FBXO16: variants seen among roughly 807,000 people sequenced by gnomAD.
The protein encoded by FBXO16 is F-box only protein 16.
FBXO16 carries 31 observed loss-of-function variants against 41.0 expected under a neutral mutation model. The ratio of observed to expected loss-of-function variants is 0.76; its 90% CI spans 0.57 to 1.02. The LOEUF (loss-of-function observed/expected upper bound fraction) is 1.02, where lower values mean the gene tolerates loss of function less well. FBXO16 is among the 50% of genes least tolerant of loss of function. The pLI is 0.00. For missense variants in FBXO16, 361 were observed against 346.2 expected (o/e 1.04, Z -0.34); for synonymous variants, 133 against 117.8 (o/e 1.13, Z -0.84).
chr8:28,486,957 C>T (rs1030649866), intron 1 of FBXO16, among the ~76,000 whole-genome samples: 1 of 152,032 alleles, frequency 6.6e-6, no homozygotes, highest in African/African-American at 2.4e-5. Flanking sequence ...AATGCACATA[C>T]ACGCAAAATT....
chr8:28,479,271 T>C (rs1274755337), intron 2 of FBXO16, among the ~76,000 whole-genome samples: 1 of 152,160 alleles, frequency 6.6e-6, no homozygotes, highest in East Asian at 1.9e-4. Context: ...AACTTCTTCC[T>C]TTGCCCTGCA....
At chr8:28,448,282 A>G (rs985024477) in intron 6 of FBXO16, among the ~76,000 whole-genome samples, 2 of 148,196 alleles carry the variant, frequency 1.3e-5, no homozygotes, top group African/African-American at 5.0e-5. Flanking sequence ...TCCAAGCTGC[A>G]GTGAGCCATG....
At chr8:28,444,882 CG>C (rs751067178) in intron 7 of FBXO16, among the ~76,000 whole-genome samples, 1 of 149,678 alleles carries the variant, frequency 6.7e-6, no homozygotes, top group Non-Finnish European at 1.5e-5. Context: ...CCACCCACCT[CG>C]GCCTCCCAAA....
At chr8:28,429,351 C>CAA in intron 8 of FBXO16, 27 bp downstream of exon 8, 2 of 1,612,928 alleles carry the variant, frequency 1.2e-6, no homozygotes, top group Non-Finnish European at 1.7e-6. Flanking sequence ...GCAAATGTCA[C>CAA]AGGTTGATAT....
chr8:28,453,947 T>C (rs1802995438), intron 5 of FBXO16, among the ~76,000 whole-genome samples: 1 of 151,554 alleles, frequency 6.6e-6, no homozygotes, highest in South Asian at 2.1e-4. Context: ...GTGGATCACA[T>C]GAGGTCAGGA....
intron 7 of FBXO16, among the ~76,000 whole-genome samples, chr8:28,432,128 A>AGT (rs56917233): frequency 0.058 from 8,301 of 142,812 alleles, 243 homozygotes; most frequent in African/African-American, 0.079. Flanking sequence ...CTATGTATGG[A>AGT]GTGTGTGTGT....
chr8:28,483,493 G>A (rs1421828168), intron 1 of FBXO16, 31 bp from the exon 2 acceptor site: 1 of 1,513,864 alleles, frequency 6.6e-7, no homozygotes, highest in Non-Finnish European at 9.2e-7. Flanking sequence ...CCTATCAGAA[G>A]AAGTGAATCA....
intron 3 of FBXO16, chr8:28,465,401 T>C (rs760590076): frequency 6.2e-5 from 28 of 450,980 alleles, no homozygotes; most frequent in African/African-American, 4.8e-4. Context: ...GGCAGGAGAA[T>C]CTCTTGAGCC....
chr8:28,449,754 A>G (rs983753961), intron 6 of FBXO16, among the ~76,000 whole-genome samples: 1 of 151,940 alleles, frequency 6.6e-6, no homozygotes, highest in Non-Finnish European at 1.5e-5. Context: ...TGTGAGGATC[A>G]TGAGGTTAGG....
At chr8:28,451,380 G>GTT (rs67171132) in intron 6 of FBXO16, among the ~76,000 whole-genome samples, 3 of 138,704 alleles carry the variant, frequency 2.2e-5, no homozygotes, top group Admixed American at 7.0e-5. Flanking sequence ...CTTTGTTGTT[G>GTT]TTTTTTTTTT....
intron 7 of FBXO16, among the ~76,000 whole-genome samples, chr8:28,441,904 A>G (rs1216766132): frequency 8.5e-6 from 1 of 117,656 alleles, no homozygotes; most frequent in African/African-American, 5.3e-5. Context: ...CACAGTGTAT[A>G]TATATATGTG....
At chr8:28,482,433 C>A (rs1306683759) in intron 2 of FBXO16, among the ~76,000 whole-genome samples, 4 of 152,110 alleles carry the variant, frequency 2.6e-5, no homozygotes, top group Non-Finnish European at 5.9e-5. Flanking sequence ...TAAATTCTGT[C>A]CCTAACTGAA....
At chr8:28,448,756 G>C (rs954975167) in intron 6 of FBXO16, among the ~76,000 whole-genome samples, 1 of 152,112 alleles carries the variant, frequency 6.6e-6, no homozygotes, top group Non-Finnish European at 1.5e-5. Context: ...ATAAAGCAAG[G>C]ATCCTCCAAC....
intron 3 of FBXO16, among the ~76,000 whole-genome samples, chr8:28,470,418 A>T (rs995995122): frequency 6.6e-6 from 1 of 152,220 alleles, no homozygotes; most frequent in Non-Finnish European, 1.5e-5. Context: ...ATCTTGGCAC[A>T]TGCTTTTTCA....
chr8:28,441,098 G>A (rs956612776), intron 7 of FBXO16, among the ~76,000 whole-genome samples: 6 of 152,068 alleles, frequency 3.9e-5, no homozygotes, highest in African/African-American at 1.4e-4. Context: ...ATGGAGGGAG[G>A]TATTTACATC....
chr8:28,477,714 C>G (rs1454053641), intron 2 of FBXO16, among the ~76,000 whole-genome samples: 1 of 152,174 alleles, frequency 6.6e-6, no homozygotes, highest in Non-Finnish European at 1.5e-5. Context: ...CCATATAACT[C>G]TTTGGGAAAA....
chr8:28,469,418 A>T (rs1424548581), intron 3 of FBXO16, among the ~76,000 whole-genome samples: 2 of 152,140 alleles, frequency 1.3e-5, no homozygotes, highest in African/African-American at 4.8e-5. Context: ...TACAGCTTCA[A>T]ACTCGTGGGC....
chr8:28,465,608 C>T (rs895711563), intron 3 of FBXO16, among the ~76,000 whole-genome samples: 1 of 151,292 alleles, frequency 6.6e-6, no homozygotes, highest in Admixed American at 6.6e-5. Context: ...GAGAGAGGCC[C>T]TGTCAATAAA....
intron 7 of FBXO16, among the ~76,000 whole-genome samples, chr8:28,438,826 G>A (rs1214475590): frequency 1.3e-5 from 2 of 152,160 alleles, no homozygotes; most frequent in Non-Finnish European, 2.9e-5. Context: ...TAGGCCAGGT[G>A]TGGTGGCTTA....
Sources: gnomAD v4.1 joint callset for allele counts (sites outside exome capture counted in the v4.1 genomes callset) on GRCh38, gnomAD v4.1.1 for gene constraint, MANE v1.5 for transcripts, NCBI Gene and HGNC (gene_info 2026-07-23, HGNC 2026-07-21) for gene names.